Variants in CHD5 observed in about 807,000 individuals in gnomAD.
CHD5 encodes ATP-dependent chromatin remodeler CHD5.
CHD5 carries 69 observed loss-of-function variants against 230.3 expected under a neutral mutation model. The observed-to-expected ratio is 0.30, with a 90% CI of 0.25 to 0.37. CHD5 has a LOEUF of 0.37. CHD5 is among the 10% of genes least tolerant of loss of function. The pLI, the probability that CHD5 is intolerant of heterozygous loss-of-function variation, is 1.00. For missense variants in CHD5, 1,827 were observed against 2,622.8 expected (o/e 0.70, Z 6.63); for synonymous variants, 1,064 against 1,065.9 (o/e 1.00, Z 0.03).
chr1:6,167,304 C>A lies in CHD5; in HGVS notation c.207+846G>T, dbSNP rs1430207634. On this transcript the variant is annotated intron_variant, in intron 2 of 41. Coordinates refer to ENST00000262450, the MANE Select transcript of CHD5 (RefSeq NM_015557.3). This position sits in a 1 kb window ranked among gnomAD's most constrained non-coding sequence, Gnocchi z 4.5. ...ACTGTGTCACTGTGTGACCTTGGGC[C>A]AGGGCACCTCTGAGCCCCCGCTCTC... 6.6e-6 allele frequency among the ~76,000 whole-genome samples: 1 copy of A among 152,198 alleles called. No individual in the cohort carries two copies. The highest frequency in any genetic ancestry group is 1.9e-4 in the East Asian group (1 of 5,190).
Position 6,149,002 on chromosome 1 carries a change from T to C in CHD5, c.1235A>G (p.Glu412Gly). Residue 412 changes from glutamate to glycine, a missense_variant, in exon 9 of 42, where the codon GAG becomes GGG. This residue lies in a region of CHD5 where 657 missense variants were observed against 816.4 expected (regional missense o/e 0.80). Transcript: ENST00000262450. ...EEEEGGCEEE[E>G]DDHMEFCRVC... is the part of the protein sequence containing the mutation. ...GCGGCAGAACTCCATGTGGTCGTCC[T>C]CCTCCTCCTCGCAGCCGCCCTCCTC... The C allele has an allele frequency of 6.2e-7, 1 of 1,607,176 alleles. No homozygotes were observed. The highest frequency in any genetic ancestry group is 8.5e-7 in the Non-Finnish European group (1 of 1,177,202).
chr1:6,121,452 C>G lies in CHD5; in HGVS notation c.4779+42G>C, dbSNP rs758449243. 14 of 1,570,122 alleles carry G rather than the reference C, an allele frequency of 8.9e-6. No homozygotes were observed. The highest frequency in any genetic ancestry group is 7.8e-6 in the Non-Finnish European group (9 of 1,148,818). On this transcript the variant is annotated intron_variant, in intron 32 of 41. Transcript: ENST00000262450. The surrounding 1 kb of genome is among the most constrained non-coding windows in gnomAD (Gnocchi z 4.5). ...AGAAGGTCCCCAGACCCAACCTCCA[C>G]CCCACACACACCACAGGCCCAGACG...
At chr1:6,143,759 T>G (rs1666867493) in intron 13 of CHD5, 64 bp downstream of exon 13, 1 of 1,420,544 alleles carries the variant, frequency 7.0e-7, no homozygotes, top group South Asian at 1.1e-5. Flanking sequence ...CCCCTGCACA[T>G]TCAAGTCTGA....
At chr1:6,116,559 T>G (rs762146266) in intron 33 of CHD5, among the ~76,000 whole-genome samples, 2 of 152,194 alleles carry the variant, frequency 1.3e-5, no homozygotes, top group African/African-American at 2.4e-5. Context: ...TGAGAAAAGA[T>G]AGAAATGACA....
intron 1 of CHD5, among the ~76,000 whole-genome samples, chr1:6,176,839 G>T (rs116770482): frequency 0.014 from 2,151 of 152,308 alleles, 44 homozygotes; most frequent in African/African-American, 0.047. Flanking sequence ...AGAGCTAGAA[G>T]CCAAGGCCTC....
intron 1 of CHD5, among the ~76,000 whole-genome samples, chr1:6,170,304 C>T (rs1667316709): frequency 6.6e-6 from 1 of 152,174 alleles, no homozygotes; most frequent in South Asian, 2.1e-4. Flanking sequence ...CACCGCCCGG[C>T]CTGGGACCCC....
At chr1:6,116,462 AAAAAC>A (rs1208385202) in intron 33 of CHD5, among the ~76,000 whole-genome samples, 3 of 152,190 alleles carry the variant, frequency 2.0e-5, no homozygotes, top group Middle Eastern at 3.2e-3. Context: ...ACTTCACTCT[AAAAAC>A]AAAACAAAAA....
Position 6,106,250 on chromosome 1 carries a change from C to T in CHD5, c.*30G>A, listed in dbSNP as rs377088699. The stretch of plus-strand genomic sequence containing the variant: ...AGCCCTCACCTCAGCTGGAAATGAG[C>T]GCTGCAACACAGGGAAGTCTCGAGG... On this transcript the variant is annotated 3_prime_UTR_variant, in exon 41 of 42. Transcript: ENST00000262450. 5 of 1,612,506 alleles carry T rather than the reference C, an allele frequency of 3.1e-6. No individual in the cohort carries two copies. Among genetic ancestry groups the T allele is most frequent in the Admixed American group, 1.7e-5 (1 of 60,008 alleles).
Position 6,121,085 on chromosome 1 carries a change from G to A in CHD5, c.4912+20C>T. 6.4e-7 allele frequency: 1 copy of A among 1,570,992 alleles called. No homozygotes were observed. The highest frequency in any genetic ancestry group is 8.6e-7 in the Non-Finnish European group (1 of 1,160,718). ...GGCCAGACATGGCACTGGGGTGGGT[G>A]GCCTGCAAGAAGCCCCAACCTCTCG... On this transcript the variant is annotated intron_variant, in intron 33 of 41. Transcript: ENST00000262450. The surrounding 1 kb of genome is among the most constrained non-coding windows in gnomAD (Gnocchi z 4.5).
Position 6,154,477 on chromosome 1 carries a change from C to T in CHD5, c.745+183G>A, listed in dbSNP as rs1002747274. 3.3e-5 allele frequency among the ~76,000 whole-genome samples: 5 copies of T among 152,178 alleles called. No homozygotes were observed. Among genetic ancestry groups the T allele is most frequent in the Non-Finnish European group, 4.4e-5 (3 of 68,032 alleles). On this transcript the variant is annotated intron_variant, in intron 5 of 41. Transcript: ENST00000262450. The surrounding 1 kb of genome is among the most constrained non-coding windows in gnomAD (Gnocchi z 7.0). ...AAAAGGGAGTCAGGCACAAAAGAGG[C>T]GACGATGCTGCCTCACTGCTGAGAA...
chr1:6,128,146 C>T lies in CHD5; in HGVS notation c.3803G>A (p.Arg1268Gln). The T allele has an allele frequency of 6.2e-7, 1 of 1,614,012 alleles. No individual in the cohort carries two copies. Among genetic ancestry groups the T allele is most frequent in the East Asian group, 2.2e-5 (1 of 44,892 alleles). Residue 1268 changes from arginine (R) to glutamine (Q), a missense_variant, in exon 25 of 42, where the codon CGG becomes CAG. Coordinates refer to ENST00000262450, the MANE Select transcript of CHD5 (RefSeq NM_015557.3). This position sits in a 1 kb window ranked among gnomAD's most constrained non-coding sequence, Gnocchi z 7.8. ...DDAAISKLLD[R>Q]NQDATDDTEL... ...CGTGTCATCTGTAGCGTCCTGGTTC[C>T]GGTCCAGCAGCTTGGAGATGGCCGC...
chr1:6,171,819 C>A (rs979997657), intron 1 of CHD5, among the ~76,000 whole-genome samples: 2 of 152,238 alleles, frequency 1.3e-5, no homozygotes. Context: ...GGAGGAGCAA[C>A]CTCACCTCAG....
At chr1:6,115,402 C>T (rs775173489) in intron 33 of CHD5, among the ~76,000 whole-genome samples, 7 of 152,180 alleles carry the variant, frequency 4.6e-5, no homozygotes, top group Admixed American at 1.3e-4. Flanking sequence ...AACTCGACTC[C>T]CCAGAGCAGG....
Position 6,126,699 on chromosome 1 carries a change from G to A in CHD5, c.3951C>T (p.Pro1317=), listed in dbSNP as rs765214436. Residue 1317 remains proline (P), a synonymous_variant, in exon 26 of 42, where the codon CCC becomes CCT. Transcript: ENST00000262450. The surrounding 1 kb of genome is among the most constrained non-coding windows in gnomAD (Gnocchi z 5.7). The part of the protein sequence containing the change: ...EIIKQEENVD[P]DYWEKLLRHH... ...GCCGCAGCAGCTTCTCCCAGTAGTC[G>A]GGGTCCACGTTCTCCTCCTGCTTGA... The A allele has an allele frequency of 1.8e-5, 29 of 1,613,978 alleles. No individual in the cohort carries two copies. The East Asian group carries it at 2.2e-4, about 12-fold the overall frequency.
Position 6,125,956 on chromosome 1 carries a change from C to A in CHD5, c.4079-98G>T. 1 of 825,438 alleles carries A rather than the reference C, an allele frequency of 1.2e-6. No homozygotes were observed. Among genetic ancestry groups the A allele is most frequent in the Non-Finnish European group, 2.0e-6 (1 of 497,952 alleles). 51.1% of individuals were successfully genotyped at this position (825,438 alleles called of 1,614,324 possible). On this transcript the variant is annotated intron_variant, in intron 26 of 41. Coordinates refer to ENST00000262450, the MANE Select transcript of CHD5 (RefSeq NM_015557.3). This position sits in a 1 kb window ranked among gnomAD's most constrained non-coding sequence, Gnocchi z 6.7. ...CAGGGCCACGCCGAGCCCCTGCACCCCAGCTCCATAAAAAAGCAGTGACAA... is the reference window on the plus strand; with the variant it reads ...CAGGGCCACGCCGAGCCCCTGCACCACAGCTCCATAAAAAAGCAGTGACAA...
At chr1:6,174,399 A>T (rs1667386336) in intron 1 of CHD5, among the ~76,000 whole-genome samples, 2 of 152,170 alleles carry the variant, frequency 1.3e-5, no homozygotes, top group Admixed American at 1.3e-4. Flanking sequence ...GAATGGATGG[A>T]TGGTGGATAG....
At chr1:6,106,121 A>T in intron 41 of CHD5, 113 bp downstream of exon 41, 1 of 997,438 alleles carries the variant, frequency 1.0e-6, no homozygotes, top group Non-Finnish European at 1.5e-6. Flanking sequence ...AGGCAGTAAA[A>T]GCTCCAGGAC....
At chr1:6,120,935 T>TAG (rs2100839302) in intron 33 of CHD5, among the ~76,000 whole-genome samples, 170 bp downstream of exon 33, 1 of 150,856 alleles carries the variant, frequency 6.6e-6, no homozygotes, top group East Asian at 1.9e-4. Context: ...AGTCCATGTA[T>TAG]AGAGGCCTGA....
intron 9 of CHD5, among the ~76,000 whole-genome samples, chr1:6,148,243 G>A (rs1388795186): frequency 1.3e-5 from 2 of 152,092 alleles, no homozygotes; most frequent in African/African-American, 2.4e-5. Flanking sequence ...GGGGCCTTCC[G>A]ATGTCTACTG....
Sources: gnomAD v4.1 joint callset for allele counts (sites outside exome capture counted in the v4.1 genomes callset) on GRCh38, gnomAD v4.1.1 for gene constraint, gnomAD v4.1.1 regional missense constraint, Gnocchi (gnomAD v3.1) non-coding constraint, MANE v1.5 for transcripts, NCBI Gene and HGNC (gene_info 2026-07-23, HGNC 2026-07-21) for gene names.